NEGR1: variants seen among roughly 807,000 people sequenced by gnomAD.
The protein encoded by NEGR1 is IgLON family member 4.
NEGR1 carries 10 observed loss-of-function variants against 40.9 expected under a neutral mutation model. The ratio of observed to expected loss-of-function variants is 0.24; its 90% CI spans 0.15 to 0.42. The LOEUF (loss-of-function observed/expected upper bound fraction) is 0.42. Ranked by LOEUF, NEGR1 falls within the 10% of genes least tolerant of loss-of-function variation. The pLI, the probability that NEGR1 is intolerant of heterozygous loss-of-function variation, is 1.00. For synonymous variants in NEGR1, 185 were observed against 166.8 expected (o/e 1.11, Z -0.84); for missense variants, 352 against 438.9 (o/e 0.80, Z 1.77).
chr1:71,876,735 A>G (rs987593596), intron 2 of NEGR1, among the ~76,000 whole-genome samples: 5 of 152,160 alleles, frequency 3.3e-5, no homozygotes, highest in African/African-American at 1.2e-4. Context: ...GCATATATGT[A>G]GCATGTCAGG....
intron 6 of NEGR1, among the ~76,000 whole-genome samples, chr1:71,457,460 C>T (rs932225073): frequency 3.9e-5 from 6 of 152,232 alleles, no homozygotes; most frequent in Admixed American, 6.5e-5. Context: ...TTCAGTCATT[C>T]ATCGCATGTT....
At chr1:71,888,267 G>A (rs891357437) in intron 2 of NEGR1, among the ~76,000 whole-genome samples, 5 of 152,082 alleles carry the variant, frequency 3.3e-5, no homozygotes, top group African/African-American at 4.8e-5. Context: ...CGTGAGCGAC[G>A]CAGAAGACGG....
At chr1:71,496,354 A>G (rs1422842251) in intron 6 of NEGR1, among the ~76,000 whole-genome samples, 1 of 152,184 alleles carries the variant, frequency 6.6e-6, no homozygotes, top group Admixed American at 6.5e-5. Flanking sequence ...GAAGATATTC[A>G]TAGAAACTCA....
intron 5 of NEGR1, among the ~76,000 whole-genome samples, chr1:71,602,452 C>T (rs1649956090): frequency 1.3e-5 from 2 of 148,906 alleles, no homozygotes; most frequent in African/African-American, 5.0e-5. Context: ...GGGGTTTCAC[C>T]GTTTTAGCCG....
chr1:71,819,326 C>G (rs1658340912), intron 2 of NEGR1, among the ~76,000 whole-genome samples: 3 of 151,874 alleles, frequency 2.0e-5, no homozygotes, highest in Admixed American at 6.6e-5. Context: ...AGTTATGCAT[C>G]AGCTATGATT....
At chr1:71,592,775 CA>C (rs1234904518) in intron 6 of NEGR1, 41 bp downstream of exon 6, 2 of 1,532,852 alleles carry the variant, frequency 1.3e-6, no homozygotes, top group Non-Finnish European at 1.8e-6. Flanking sequence ...GATAGGGGCC[CA>C]GAGGCCCCTG....
rs374114401 is a variant in NEGR1 at position 71,651,508 on chromosome 1, C to T, written c.668-40362G>A. On this transcript the variant is annotated intron_variant, in intron 4 of 6. Transcript: ENST00000357731. The stretch of plus-strand genomic sequence containing the variant: ...GCATGTGCCCATTAAAACCTTGCTT[C>T]TCTTCTTTTGCTCCTGTCCTTTGTT... 4.6e-5 allele frequency among the ~76,000 whole-genome samples: 7 copies of T among 152,072 alleles called. No homozygotes were observed. In the East Asian group the frequency reaches 7.7e-4, roughly 17 times the overall value.
intron 4 of NEGR1, among the ~76,000 whole-genome samples, chr1:71,628,852 G>A (rs1650877760): frequency 6.6e-6 from 1 of 152,006 alleles, no homozygotes; most frequent in African/African-American, 2.4e-5. Context: ...CTTTACTATT[G>A]TGAACAGTGC....
intron 1 of NEGR1, among the ~76,000 whole-genome samples, chr1:71,974,161 A>C (rs369211388): frequency 6.6e-6 from 1 of 152,170 alleles, no homozygotes; most frequent in African/African-American, 2.4e-5. Flanking sequence ...GGGGCCATGC[A>C]CATTAGCCAC....
Position 71,505,058 on chromosome 1 carries a change from C to T in NEGR1, c.940+87759G>A, listed in dbSNP as rs897705819. On this transcript the variant is annotated intron_variant, in intron 6 of 6. Transcript: ENST00000357731. ...ACCAGGACAAGTAGTTTGCAAAAAACGATATTGCATTTCTATTAAAGGGAA... is the reference window on the plus strand; with the variant it reads ...ACCAGGACAAGTAGTTTGCAAAAAATGATATTGCATTTCTATTAAAGGGAA... Among the ~76,000 whole-genome samples, 4 of 152,136 alleles carry T rather than the reference C, an allele frequency of 2.6e-5. No homozygotes were observed. The East Asian group carries it at 5.8e-4, about 22-fold the overall frequency.
rs1230811103 is a variant in NEGR1 at position 71,405,470 on chromosome 1, AAATAAAT to A, written c.*1969_*1975del. 1.3e-5 allele frequency: 2 copies of A among 152,284 alleles called. No individual in the cohort carries two copies. Among genetic ancestry groups the A allele is most frequent in the Admixed American group, 6.6e-5 (1 of 15,224 alleles). 9.4% of individuals were successfully genotyped at this position (152,284 alleles called of 1,614,324 possible). A position where few individuals can be genotyped will look rare whatever the true frequency, so the allele number is the denominator to read the frequency against. ...TCCACAAAGAATATTTCTTAAAAGCAAATAAATAATAAAGTTAAATGCCATATTTGTT... is the reference window on the plus strand; with the variant it reads ...TCCACAAAGAATATTTCTTAAAAGCAAATAAAGTTAAATGCCATATTTGTT... On this transcript the variant is annotated 3_prime_UTR_variant, in exon 7 of 7. Coordinates refer to ENST00000357731, the MANE Select transcript of NEGR1 (RefSeq NM_173808.3).
intron 6 of NEGR1, among the ~76,000 whole-genome samples, chr1:71,544,372 C>T (rs1041585573): frequency 3.3e-5 from 5 of 151,632 alleles, no homozygotes; most frequent in Non-Finnish European, 5.9e-5. Flanking sequence ...TTGGTCTAGT[C>T]ACAAATGCTT....
intron 6 of NEGR1, among the ~76,000 whole-genome samples, chr1:71,419,433 T>C (rs147987953): frequency 6.6e-6 from 1 of 152,308 alleles, no homozygotes; most frequent in African/African-American, 2.4e-5. Flanking sequence ...TGGGTCTTGA[T>C]AATTCTCTCA....
chr1:71,784,344 G>A (rs990392314), intron 2 of NEGR1, among the ~76,000 whole-genome samples: 1 of 151,594 alleles, frequency 6.6e-6, no homozygotes, highest in East Asian at 1.9e-4. Flanking sequence ...AAGTAGAAAG[G>A]CTTTTTTTTT....
intron 6 of NEGR1, among the ~76,000 whole-genome samples, chr1:71,456,002 CAA>C (rs779701995): frequency 1.1e-4 from 16 of 152,126 alleles, no homozygotes; most frequent in South Asian, 2.1e-4. Context: ...ACTTTTTCAA[CAA>C]AGTCATGCAA....
intron 6 of NEGR1, among the ~76,000 whole-genome samples, chr1:71,437,278 T>C (rs1646515818): frequency 6.6e-6 from 1 of 152,166 alleles, no homozygotes; most frequent in Non-Finnish European, 1.5e-5. Context: ...GAGAGGTTTT[T>C]AGGGAGTGAT....
intron 4 of NEGR1, among the ~76,000 whole-genome samples, chr1:71,625,118 C>T (rs950857703): frequency 5.3e-5 from 8 of 152,012 alleles, no homozygotes; most frequent in African/African-American, 1.9e-4. Flanking sequence ...ATTTCATTCA[C>T]CTTTGCTGAG....
chr1:71,996,938 G>A (rs17578672), intron 1 of NEGR1, among the ~76,000 whole-genome samples: 14,623 of 151,782 alleles, frequency 0.096, 785 homozygotes, highest in Middle Eastern at 0.18. Context: ...TATATGGCCC[G>A]AAATTTCCTC....
chr1:71,496,592 CT>C (rs34228522), intron 6 of NEGR1, among the ~76,000 whole-genome samples: 135,586 of 150,738 alleles, frequency 0.9, 61,215 homozygotes, highest in East Asian at 0.95. Flanking sequence ...AGATTACATT[CT>C]TTTTTTTTTT....
Sources: gnomAD v4.1 joint callset for allele counts (sites outside exome capture counted in the v4.1 genomes callset) on GRCh38, gnomAD v4.1.1 for gene constraint, MANE v1.5 for transcripts, NCBI Gene and HGNC (gene_info 2026-07-23, HGNC 2026-07-21) for gene names.